Variants in NEDD4 observed in about 807,000 individuals in gnomAD.
NEDD4 encodes NEDD4 E3 ubiquitin protein ligase, also known as E3 ubiquitin-protein ligase NEDD4.
NEDD4 carries 99 observed loss-of-function variants against 144.9 expected under a neutral mutation model. The ratio of observed to expected loss-of-function variants is 0.68; its 90% CI spans 0.58 to 0.81. The LOEUF is 0.81. NEDD4 is among the 30% of genes least tolerant of loss of function. The pLI, the probability that NEDD4 is intolerant of heterozygous loss-of-function variation, is 0.00. For missense variants in NEDD4, 985 were observed against 1,065.9 expected, an observed-to-expected ratio of 0.92 and a Z score of 1.06; for synonymous variants, 318 against 350.6, an observed-to-expected ratio of 0.91 and a Z score of 1.04.
rs1339583408 is a variant in NEDD4, at chr15:55,869,615, T to C, written c.471A>G (p.Ser157=). 2.5e-6 allele frequency: 4 copies of C among 1,586,866 alleles called. No homozygotes were observed. Among genetic ancestry groups the C allele is most frequent in the Non-Finnish European group, 3.4e-6 (4 of 1,164,856 alleles). Reference sequence around the variant, plus strand: ...CAGCCTGTTCTGCATTATCATCTTCTGAGCCACTGGTTTTAGGTAAATAAG... The same window carrying C: ...CAGCCTGTTCTGCATTATCATCTTCCGAGCCACTGGTTTTAGGTAAATAAG... The part of the protein sequence containing the change: ...KMTYLPKTSG[S]EDDNAEQAEE... The change falls in exon 8 of 29, where the codon TCA becomes TCG. Residue 157 remains serine, a synonymous_variant. Coordinates refer to ENST00000435532, the MANE Select transcript of NEDD4 (RefSeq NM_006154.4).
At chr15:55,839,943 C>G (rs548014067) in intron 21 of NEDD4, among the ~76,000 whole-genome samples, 1 of 119,832 alleles carries the variant, frequency 8.3e-6, no homozygotes, top group Non-Finnish European at 1.6e-5. Flanking sequence ...CCACTGCACT[C>G]CAGCTTGGCA....
At chr15:55,900,158 G>A (rs560722264) in intron 5 of NEDD4, among the ~76,000 whole-genome samples, 4 of 152,002 alleles carry the variant, frequency 2.6e-5, no homozygotes, top group African/African-American at 4.8e-5. Flanking sequence ...AGAACTCATC[G>A]TAAGGAAAGG....
intron 1 of NEDD4, among the ~76,000 whole-genome samples, chr15:55,979,154 T>G (rs924933225): frequency 6.6e-6 from 1 of 151,638 alleles, no homozygotes; most frequent in Non-Finnish European, 1.5e-5. Flanking sequence ...AAATCCTATA[T>G]CATCTAGGCA....
At chr15:55,846,570 C>G (rs140874639) in intron 18 of NEDD4, among the ~76,000 whole-genome samples, 1 of 152,096 alleles carries the variant, frequency 6.6e-6, no homozygotes, top group Admixed American at 6.5e-5. Flanking sequence ...GAATGACTTT[C>G]GCTGGAAAAC....
At position 55,861,680 on chromosome 15, in the gene NEDD4, C is replaced by A. The variant is rs144327996; in HGVS notation, c.675-902G>T. Among the ~76,000 whole-genome samples, 1,001 of 152,118 alleles carry A rather than the reference C, an allele frequency of 6.6e-3. 10 individuals are homozygous for A. The highest frequency in any genetic ancestry group is 0.023 in the African/African-American group (957 of 41,496). ...AACATATATACCTACTAGGGACCCA[C>A]AGAAATTAAAATTAAAAAAAATCAG... On this transcript the variant is annotated intron_variant, in intron 9 of 28. Transcript: ENST00000435532.
intron 4 of NEDD4, among the ~76,000 whole-genome samples, chr15:55,928,815 T>C (rs550594177): frequency 6.6e-6 from 1 of 152,364 alleles, no homozygotes; most frequent in South Asian, 2.1e-4. Flanking sequence ...TACTGAGTTA[T>C]AAACATCACA....
intron 5 of NEDD4, chr15:55,916,811 C>T (rs761082736): frequency 1.4e-5 from 23 of 1,602,640 alleles, no homozygotes; most frequent in Non-Finnish European, 2.0e-5. Context: ...CTGCAAAGTG[C>T]AATCGTAAGC....
At chr15:55,969,189 G>A (rs1186677614) in intron 1 of NEDD4, among the ~76,000 whole-genome samples, 2 of 152,168 alleles carry the variant, frequency 1.3e-5, no homozygotes, top group Admixed American at 1.3e-4. Context: ...TGTCGCAGTG[G>A]AAGGCAACAG....
At chr15:55,873,850 G>T in intron 6 of NEDD4, 108 bp downstream of exon 6, 2 of 484,586 alleles carry the variant, frequency 4.1e-6, no homozygotes, top group Non-Finnish European at 7.3e-6. Flanking sequence ...AATAAAAGTA[G>T]TATACATTTG....
intron 1 of NEDD4, among the ~76,000 whole-genome samples, chr15:55,971,449 A>G (rs1224324344): frequency 6.6e-6 from 1 of 151,918 alleles, no homozygotes; most frequent in East Asian, 1.9e-4. Flanking sequence ...ACATGGTTAA[A>G]CCCCGTCTCC....
intron 4 of NEDD4, among the ~76,000 whole-genome samples, chr15:55,928,838 A>G (rs1215259178): frequency 3.3e-5 from 5 of 152,242 alleles, no homozygotes; most frequent in African/African-American, 1.2e-4. Flanking sequence ...TGACTTATTC[A>G]TGTTGCTTTT....
At position 55,850,587 on chromosome 15, in the gene NEDD4, A is replaced by G. The variant is rs575199694; in HGVS notation, c.1302T>C (p.Asn434=). The G allele has an allele frequency of 1.9e-6, 3 of 1,614,160 alleles. No homozygotes were observed. The highest frequency in any genetic ancestry group is 1.7e-5 in the Admixed American group (1 of 60,018). The part of the protein sequence containing the change: ...PKGWEVRHAP[N]GRPFFIDHNT... ...TGTGGTCAATAAAGAAAGGCCTCCCATTTGGTGCATGCCGGACTTCCCAGC... is the reference window on the plus strand; with the variant it reads ...TGTGGTCAATAAAGAAAGGCCTCCCGTTTGGTGCATGCCGGACTTCCCAGC... The change falls in exon 14 of 29, where the codon AAT becomes AAC. Residue 434 remains asparagine (N), a synonymous_variant. Coordinates refer to ENST00000435532, the MANE Select transcript of NEDD4 (RefSeq NM_006154.4).
intron 5 of NEDD4, among the ~76,000 whole-genome samples, chr15:55,895,696 C>A (rs2035717313): frequency 6.6e-6 from 1 of 152,160 alleles, no homozygotes; most frequent in South Asian, 2.1e-4. Context: ...TTGGGTGATA[C>A]TAATGCATCT....
At chr15:55,936,952 C>T (rs1274468403) in intron 4 of NEDD4, among the ~76,000 whole-genome samples, 3 of 151,996 alleles carry the variant, frequency 2.0e-5, no homozygotes, top group Non-Finnish European at 4.4e-5. Flanking sequence ...GCCATGATGC[C>T]CAGCTGATTT....
At position 55,951,374 on chromosome 15, in the gene NEDD4, A is replaced by T; in HGVS notation, c.237+2T>A. On this transcript the variant is annotated splice_donor_variant, in intron 4 of 28. Transcript: ENST00000435532. LOFTEE classifies it high-confidence loss of function. ...CTTTAGTAAAATAAAATATATACTT[A>T]CTCTGAATAATATTTCTTCATTCCA... is the stretch of plus-strand genomic sequence containing the variant. 1 of 925,996 alleles carries T rather than the reference A, an allele frequency of 1.1e-6. No individual in the cohort carries two copies. Among genetic ancestry groups the T allele is most frequent in the Non-Finnish European group, 1.6e-6 (1 of 618,882 alleles). 57.4% of individuals were successfully genotyped at this position (925,996 alleles called of 1,614,324 possible).
intron 8 of NEDD4, among the ~76,000 whole-genome samples, chr15:55,866,960 C>T (rs1389337216): frequency 7.2e-5 from 11 of 152,132 alleles, no homozygotes; most frequent in African/African-American, 2.4e-4. Context: ...TATGTAATTG[C>T]TCACAATTTA....
At chr15:55,904,520 C>G (rs1389452850) in intron 5 of NEDD4, among the ~76,000 whole-genome samples, 2 of 152,080 alleles carry the variant, frequency 1.3e-5, no homozygotes, top group Non-Finnish European at 2.9e-5. Context: ...CCAAGCCTGT[C>G]TCAAAGTCCT....
chr15:55,969,579 A>G (rs1390485373), intron 1 of NEDD4, among the ~76,000 whole-genome samples: 1 of 152,124 alleles, frequency 6.6e-6, no homozygotes, highest in Non-Finnish European at 1.5e-5. Context: ...GCACACCCAC[A>G]ATAAAATAAA....
At chr15:55,903,894 C>A (rs1464044283) in intron 5 of NEDD4, among the ~76,000 whole-genome samples, 3 of 148,330 alleles carry the variant, frequency 2.0e-5, no homozygotes, top group African/African-American at 7.5e-5. Flanking sequence ...CACGGTGGCT[C>A]ATGCCTGTGA....
Sources: gnomAD v4.1 joint callset for allele counts (sites outside exome capture counted in the v4.1 genomes callset) on GRCh38, gnomAD v4.1.1 for gene constraint, MANE v1.5 for transcripts, NCBI Gene and HGNC (gene_info 2026-07-23, HGNC 2026-07-21) for gene names.